POGZ: variants seen among roughly 807,000 people sequenced by gnomAD.
The protein encoded by POGZ is pogo transposable element with ZNF domain.
In POGZ, 17 loss-of-function variants were observed where a neutral mutation model predicts 134.6. The observed-to-expected ratio is 0.13, with a 90% CI of 0.09 to 0.19. The LOEUF (loss-of-function observed/expected upper bound fraction) is 0.19. Among genes scored for constraint, POGZ ranks in the 10% least tolerant of loss-of-function variants. POGZ has a pLI of 1.00. For missense variants in POGZ, 1,306 were observed against 1,769.7 expected (o/e 0.74, Z 4.70); for synonymous variants, 693 against 657.1 (o/e 1.05, Z -0.84).
intron 1 of POGZ, among the ~76,000 whole-genome samples, chr1:151,453,339 T>A (rs992523973): frequency 3.3e-5 from 5 of 151,986 alleles, no homozygotes; most frequent in African/African-American, 1.2e-4. Flanking sequence ...ATTCCACCTA[T>A]CTCTTTGGTA....
At position 151,428,849 on chromosome 1, in the gene POGZ, T is replaced by C. The variant is rs1020410330; in HGVS notation, c.569-436A>G. The stretch of plus-strand genomic sequence containing the variant: ...ACTCAGAAGACAGACTATGCCATTC[T>C]ACTAGGATGTCCCAAAGAGGAATGT... On this transcript the variant is annotated intron_variant, in intron 5 of 18. Coordinates refer to ENST00000271715, the MANE Select transcript of POGZ (RefSeq NM_015100.4). Among the ~76,000 whole-genome samples, 10 of 152,336 alleles carry C rather than the reference T, an allele frequency of 6.6e-5. No individual in the cohort carries two copies. In the East Asian group the frequency reaches 1.9e-3, roughly 29 times the overall value.
At chr1:151,457,785 GGCGTGGTAGCACAT>G (rs1239530561) in intron 1 of POGZ, among the ~76,000 whole-genome samples, 2 of 152,140 alleles carry the variant, frequency 1.3e-5, no homozygotes, top group Non-Finnish European at 2.9e-5. Flanking sequence ...AAATTAGCCG[GGCGTGGTAGCACAT>G]GCCTGTAATC....
Position 151,430,690 on chromosome 1 carries a change from T to C in POGZ, c.435A>G (p.Ser145=). 6.2e-7 allele frequency: 1 copy of C among 1,609,272 alleles called. No homozygotes were observed. The highest frequency in any genetic ancestry group is 8.5e-7 in the Non-Finnish European group (1 of 1,177,846). The change falls in exon 4 of 19, where the codon TCA becomes TCG. Residue 145 remains serine (S), a synonymous_variant. Coordinates refer to ENST00000271715, the MANE Select transcript of POGZ (RefSeq NM_015100.4). The part of the protein sequence containing the change: ...ANHVTSSPVA[S]QPIFITTQGF... ...CCTGCGTAGTGATAAATATTGGTTGTGAGGCCACAGGGGAACTAGTCACAT... is the reference window on the plus strand; with the variant it reads ...CCTGCGTAGTGATAAATATTGGTTGCGAGGCCACAGGGGAACTAGTCACAT...
chr1:151,407,229 T>C lies in POGZ; in HGVS notation c.2432+6A>G, dbSNP rs1414295712. ...ATTAAGATGCTGCCAATAAGTTTTTTCTTACCTCACAGAATTTTTAAACAA... is the reference window on the plus strand; with the variant it reads ...ATTAAGATGCTGCCAATAAGTTTTTCCTTACCTCACAGAATTTTTAAACAA... On this transcript the variant is annotated splice_donor_region_variant and intron_variant, in intron 16 of 18. Transcript: ENST00000271715. 5 of 1,590,138 alleles carry C rather than the reference T, an allele frequency of 3.1e-6. No homozygotes were observed. The African/African-American group carries it at 6.8e-5, about 21-fold the overall frequency.
intron 10 of POGZ, 57 bp downstream of exon 10, chr1:151,423,340 T>A (rs556302887): frequency 6.8e-7 from 1 of 1,461,668 alleles, no homozygotes; most frequent in Non-Finnish European, 9.6e-7. Flanking sequence ...CCCAGCGCCA[T>A]TCAATGAGTG....
chr1:151,413,483 GA>G (rs1438343026), intron 10 of POGZ, among the ~76,000 whole-genome samples: 1 of 152,002 alleles, frequency 6.6e-6, no homozygotes, highest in Non-Finnish European at 1.5e-5. Context: ...ATGGCAAAAA[GA>G]GAGAGATTAT....
chr1:151,442,377 T>C (rs1459826234), intron 1 of POGZ, 172 bp from the exon 2 acceptor site: 8 of 479,516 alleles, frequency 1.7e-5, no homozygotes, highest in African/African-American at 9.9e-5. Context: ...ACTTCTATTA[T>C]TGAATATTAG....
At chr1:151,437,717 A>G (rs1659858619) in intron 3 of POGZ, among the ~76,000 whole-genome samples, 1 of 152,150 alleles carries the variant, frequency 6.6e-6, no homozygotes, top group Admixed American at 6.5e-5. Flanking sequence ...GCGCCACTGC[A>G]CTCCAGCCTG....
At position 151,412,581 on chromosome 1, in the gene POGZ, G is replaced by A. The variant is rs3748549; in HGVS notation, c.1679-185C>T. 0.048 allele frequency among the ~76,000 whole-genome samples: 7,279 copies of A among 152,006 alleles called. 982 individuals carry two copies. Among genetic ancestry groups the A allele is most frequent in the East Asian group, 0.44 (2,295 of 5,174 alleles). Reference sequence around the variant, plus strand: ...ATATGTTGCTGATAATCTTATGTACGTAGCTCAGACTTCTTACCAAAGCTT... The same window carrying A: ...ATATGTTGCTGATAATCTTATGTACATAGCTCAGACTTCTTACCAAAGCTT... On this transcript the variant is annotated intron_variant, in intron 10 of 18. Coordinates refer to ENST00000271715, the MANE Select transcript of POGZ (RefSeq NM_015100.4).
rs1010506527 is a variant in POGZ, at chr1:151,424,002, G to A, written c.1470C>T (p.Val490=). 3.1e-6 allele frequency: 5 copies of A among 1,614,104 alleles called. No homozygotes were observed. The highest frequency in any genetic ancestry group is 2.2e-5 in the East Asian group (1 of 44,886). The change falls in exon 9 of 19, where the codon GTC becomes GTT. Residue 490 remains valine (V), a synonymous_variant. Transcript: ENST00000271715. ...KVAQLTNFPK[V]ATSFRCPHCT... ...AATGTGGGCATCGGAAAGATGTGGCGACCTTAGGGAAATTTGTGAGCTGGG... is the reference window on the plus strand; with the variant it reads ...AATGTGGGCATCGGAAAGATGTGGCAACCTTAGGGAAATTTGTGAGCTGGG...
intron 4 of POGZ, among the ~76,000 whole-genome samples, chr1:151,429,962 A>AAG (rs1162786327): frequency 2.0e-5 from 3 of 151,804 alleles, no homozygotes; most frequent in African/African-American, 7.3e-5. Flanking sequence ...TTCCTGACTT[A>AAG]AGAGAGCATC....
intron 8 of POGZ, chr1:151,424,520 A>T: frequency 2.5e-6 from 1 of 395,474 alleles, no homozygotes; most frequent in Non-Finnish European, 4.5e-6. Context: ...TAGGTCCCTT[A>T]ATCATTAGTA....
Position 151,411,608 on chromosome 1 carries a change from T to C in POGZ, c.1926+17A>G. The C allele has an allele frequency of 1.3e-6, 2 of 1,563,070 alleles. No homozygotes were observed. The highest frequency in any genetic ancestry group is 1.7e-6 in the Non-Finnish European group (2 of 1,152,544). On this transcript the variant is annotated intron_variant, in intron 12 of 18. Transcript: ENST00000271715. ...AAAAAAAACAAGAGAATATGGGAATTGCTTGGTGCCTAGTACCTGGTGCCT... is the reference window on the plus strand; with the variant it reads ...AAAAAAAACAAGAGAATATGGGAATCGCTTGGTGCCTAGTACCTGGTGCCT...
rs923196184 is a variant in POGZ at position 151,404,532 on chromosome 1, T to TA, written c.*269dup. 26,278 of 776,980 alleles carry TA rather than the reference T, an allele frequency of 0.034. 3 individuals are homozygous for TA. Among genetic ancestry groups the TA allele is most frequent in the East Asian group, 0.042 (674 of 16,202 alleles). The allele number at this position is 776,980 out of a possible 1,614,324, so 48.1% of individuals were successfully genotyped here. On this transcript the variant is annotated 3_prime_UTR_variant, in exon 19 of 19. Transcript: ENST00000271715. ...AATACCAAACACAGTGATTTAAATT[T>TA]AAAAAAAAAAAAAGTCACAAAAACC...
intron 1 of POGZ, among the ~76,000 whole-genome samples, chr1:151,444,976 C>T (rs760330742): frequency 7.9e-5 from 12 of 151,706 alleles, no homozygotes; most frequent in Non-Finnish European, 1.5e-4. Context: ...ACAGTGAGCT[C>T]GAGGTTACAG....
At chr1:151,451,456 A>T (rs1308000764) in intron 1 of POGZ, among the ~76,000 whole-genome samples, 1 of 151,640 alleles carries the variant, frequency 6.6e-6, no homozygotes, top group African/African-American at 2.4e-5. Flanking sequence ...CCTCTCAAGG[A>T]GCTGTAATTA....
At chr1:151,425,329 T>C (rs549050924) in intron 7 of POGZ, 12 of 315,084 alleles carry the variant, frequency 3.8e-5, no homozygotes, top group South Asian at 3.3e-4. Context: ...GGCTTCCTTT[T>C]ACTGTTCTAA....
intron 1 of POGZ, among the ~76,000 whole-genome samples, chr1:151,458,669 G>T (rs1343591994): frequency 7.7e-5 from 11 of 143,316 alleles, no homozygotes; most frequent in Non-Finnish European, 3.1e-5. Context: ...GCGCCCCGCC[G>T]TCTCGCCACC....
chr1:151,407,966 C>G (rs1016223865), intron 15 of POGZ, 134 bp downstream of exon 15: 5 of 632,566 alleles, frequency 7.9e-6, no homozygotes, highest in Non-Finnish European at 1.3e-5. Flanking sequence ...GAGCCAAGAT[C>G]ATGCTATTGC....
Sources: allele counts gnomAD v4.1 joint callset (sites outside exome capture counted in the v4.1 genomes callset), GRCh38; gene constraint gnomAD v4.1.1; transcripts MANE v1.5; gene names NCBI Gene and HGNC (gene_info 2026-07-23, HGNC 2026-07-21).